The following ROBO1 variants were observed in gnomAD, a reference collection of about 807,000 sequenced individuals.
The protein encoded by ROBO1 is roundabout guidance receptor 1.
A neutral mutation model predicts 195.9 loss-of-function variants in ROBO1; 149 were observed. The ratio of observed to expected loss-of-function variants is 0.76; its 90% CI spans 0.67 to 0.87. The LOEUF is 0.87. ROBO1 is among the 40% of genes least tolerant of loss of function. The pLI, the probability that ROBO1 is intolerant of heterozygous loss-of-function variation, is 0.00. For synonymous variants in ROBO1, 816 were observed against 733.2 expected, an observed-to-expected ratio of 1.11 and a Z score of -1.82; for missense variants, 1,933 against 2,068.3, an observed-to-expected ratio of 0.93 and a Z score of 1.27.
At chr3:78,655,591 A>G (rs1248441774) in intron 18 of ROBO1, among the ~76,000 whole-genome samples, 10 of 152,202 alleles carry the variant, frequency 6.6e-5, no homozygotes, top group Non-Finnish European at 1.0e-4. Flanking sequence ...CTGCAAGTGT[A>G]TCTATTACCG....
intron 3 of ROBO1, among the ~76,000 whole-genome samples, chr3:79,026,206 T>A (rs1407664761): frequency 6.6e-6 from 1 of 152,114 alleles, no homozygotes; most frequent in Non-Finnish European, 1.5e-5. Context: ...CATACTATTC[T>A]AAGTATTTTA....
intron 2 of ROBO1, among the ~76,000 whole-genome samples, chr3:79,470,915 A>T (rs571503090): frequency 1.2e-4 from 19 of 152,292 alleles, no homozygotes; most frequent in South Asian, 8.3e-4. Context: ...AAATATTTTT[A>T]AAAATTCTGA....
intron 2 of ROBO1, among the ~76,000 whole-genome samples, chr3:79,200,427 ATATTTTATATATATGATTCTCGGTACCT>A (rs1289598910): frequency 6.6e-6 from 1 of 151,854 alleles, no homozygotes; most frequent in Non-Finnish European, 1.5e-5. Flanking sequence ...AAATATACAT[ATATTTTATATATATGATTCTCGGTACCT>A]TAATTTTGCT....
chr3:78,932,906 T>C (rs143898788), intron 4 of ROBO1, among the ~76,000 whole-genome samples: 6 of 152,134 alleles, frequency 3.9e-5, no homozygotes, highest in African/African-American at 1.4e-4. Flanking sequence ...ATAAAAATGA[T>C]TTTTGTAAGC....
At chr3:79,261,299 C>T (rs988912418) in intron 2 of ROBO1, among the ~76,000 whole-genome samples, 9 of 151,794 alleles carry the variant, frequency 5.9e-5, no homozygotes, top group Non-Finnish European at 1.3e-4. Flanking sequence ...TTGTATTTTG[C>T]TTTTATTTTC....
chr3:78,606,480 C>T (rs1245559366), intron 29 of ROBO1, among the ~76,000 whole-genome samples: 2 of 152,194 alleles, frequency 1.3e-5, no homozygotes, highest in Non-Finnish European at 2.9e-5. Flanking sequence ...AATATCCCTT[C>T]TCCCTCTTTA....
Position 79,767,823 on chromosome 3 carries a change from A to C in ROBO1, c.-122T>G, listed in dbSNP as rs1328473716. The C allele has an allele frequency of 2.0e-5, 3 of 152,218 alleles. No homozygotes were observed. Among genetic ancestry groups the C allele is most frequent in the Non-Finnish European group, 4.4e-5 (3 of 68,050 alleles). 9.4% of individuals were successfully genotyped at this position (152,218 alleles called of 1,614,324 possible). A position where few individuals can be genotyped will look rare whatever the true frequency, so the allele number is the denominator to read the frequency against. ...ACGCAGCCCTGCAACTTTGCTGTGC[A>C]CTGAGACCTTTCCGAGTTTAAACCA... On this transcript the variant is annotated 5_prime_UTR_variant, in exon 1 of 31. Coordinates refer to ENST00000464233, the MANE Select transcript of ROBO1 (RefSeq NM_002941.4).
At chr3:78,637,617 C>T (rs1478045194) in intron 22 of ROBO1, among the ~76,000 whole-genome samples, 2 of 152,198 alleles carry the variant, frequency 1.3e-5, no homozygotes, top group Non-Finnish European at 2.9e-5. Flanking sequence ...TATTGGACAA[C>T]ACAGCTCTAC....
intron 4 of ROBO1, among the ~76,000 whole-genome samples, chr3:78,838,678 C>A (rs1314492374): frequency 6.6e-6 from 1 of 151,958 alleles, no homozygotes; most frequent in Non-Finnish European, 1.5e-5. Flanking sequence ...GAAAGTTCAT[C>A]AATTTACTCA....
chr3:79,379,236 C>T (rs2036488898), intron 2 of ROBO1, among the ~76,000 whole-genome samples: 2 of 152,188 alleles, frequency 1.3e-5, no homozygotes, highest in African/African-American at 4.8e-5. Flanking sequence ...CTCTCGATTA[C>T]GTTTCATGCT....
chr3:79,491,623 T>A (rs1939458810), intron 2 of ROBO1, among the ~76,000 whole-genome samples: 2 of 152,186 alleles, frequency 1.3e-5, no homozygotes, highest in South Asian at 4.1e-4. Flanking sequence ...ATTCTTTTTA[T>A]CTTCTAGAGT....
chr3:79,645,879 T>C (rs1045195449), intron 1 of ROBO1, among the ~76,000 whole-genome samples: 2 of 152,016 alleles, frequency 1.3e-5, no homozygotes, highest in Non-Finnish European at 2.9e-5. Flanking sequence ...ATAACCACAT[T>C]CAGAAGAATA....
intron 5 of ROBO1, among the ~76,000 whole-genome samples, chr3:78,725,988 T>A (rs561165494): frequency 6.6e-6 from 1 of 152,076 alleles, no homozygotes; most frequent in Non-Finnish European, 1.5e-5. Context: ...CACCTCTAGG[T>A]TAACACAGTG....
intron 1 of ROBO1, among the ~76,000 whole-genome samples, chr3:79,600,155 C>T (rs577216664): frequency 3.3e-5 from 5 of 151,906 alleles, no homozygotes; most frequent in African/African-American, 9.7e-5. Context: ...ATTAGTGGGA[C>T]GCATGATGTC....
At chr3:79,734,436 T>A (rs1413290497) in intron 1 of ROBO1, among the ~76,000 whole-genome samples, 1 of 152,250 alleles carries the variant, frequency 6.6e-6, no homozygotes, top group African/African-American at 2.4e-5. Context: ...GTATTTAATT[T>A]TTTTCTGACT....
At chr3:79,761,142 AATAAT>A (rs1413869796) in intron 1 of ROBO1, among the ~76,000 whole-genome samples, 4 of 148,178 alleles carry the variant, frequency 2.7e-5, no homozygotes, top group Admixed American at 6.8e-5. Context: ...AATATATAAT[AATAAT>A]ATATTTAAAA....
rs554820221 is a variant in ROBO1, at chr3:78,691,144, G to GA, written c.1046-2373dup. Among the ~76,000 whole-genome samples the GA allele has an allele frequency of 1.2e-3, 186 of 152,118 alleles. 8 individuals carry two copies. In the South Asian group the frequency reaches 0.036, roughly 30 times the overall value. On this transcript the variant is annotated intron_variant, in intron 8 of 30. Coordinates refer to ENST00000464233, the MANE Select transcript of ROBO1 (RefSeq NM_002941.4). ...TCAGTTGCAGTAGATATATCTCTAA[G>GA]AAAAAATACGTAATGGCCTAAATAT... is the stretch of plus-strand genomic sequence containing the variant.
At position 78,685,809 on chromosome 3, in the gene ROBO1, T is replaced by C. The variant is rs2081037496; in HGVS notation, c.1279A>G (p.Ile427Val). Residue 427 changes from isoleucine (I) to valine (V), a missense_variant, in exon 10 of 31, where the codon ATC becomes GTC. Around this residue, in one of 3 missense-constraint regions of ROBO1, gnomAD observed 1,737 missense variants for 1,882.5 expected, o/e 0.92. Transcript: ENST00000464233. ...CCAGCAACATTTAAAGTCTGGCAGATGTAATAACCAACATCAGATCGCTGG... is the reference window on the plus strand; with the variant it reads ...CCAGCAACATTTAAAGTCTGGCAGACGTAATAACCAACATCAGATCGCTGG... ...NVQRSDVGYY[I>V]CQTLNVAGSI... is the part of the protein sequence containing the mutation. 13 of 1,612,364 alleles carry C rather than the reference T, an allele frequency of 8.1e-6. No individual in the cohort carries two copies. The highest frequency in any genetic ancestry group is 1.1e-5 in the South Asian group (1 of 90,882).
At chr3:79,231,919 A>G (rs753668935) in intron 2 of ROBO1, among the ~76,000 whole-genome samples, 14 of 152,188 alleles carry the variant, frequency 9.2e-5, no homozygotes, top group Non-Finnish European at 1.8e-4. Context: ...TTGCAGGGAC[A>G]TGGATGGAAC....
Sources: gnomAD v4.1 joint callset for allele counts (sites outside exome capture counted in the v4.1 genomes callset) on GRCh38, gnomAD v4.1.1 for gene constraint, gnomAD v4.1.1 regional missense constraint, MANE v1.5 for transcripts, NCBI Gene and HGNC (gene_info 2026-07-23, HGNC 2026-07-21) for gene names.